Variants in SMNDC1 observed in about 807,000 individuals in gnomAD.
The protein encoded by SMNDC1 is survival motor neuron domain containing 1.
A neutral mutation model predicts 29.2 loss-of-function variants in SMNDC1; 5 were observed. That is an observed-to-expected ratio of 0.17 (90% CI 0.09 to 0.36). The LOEUF is 0.36. Ranked by LOEUF, SMNDC1 falls within the 10% of genes least tolerant of loss-of-function variation. The probability of loss-of-function intolerance (pLI) is 1.00; values close to 1 mark genes in which losing one functional copy is unlikely to be tolerated. For synonymous variants in SMNDC1, 80 were observed against 89.9 expected (o/e 0.89, Z 0.62); for missense variants, 142 against 268.5 (o/e 0.53, Z 3.29).
Position 110,303,519 on chromosome 10 carries a change from T to C in SMNDC1, c.69A>G (p.Leu23=). 1.3e-6 allele frequency: 2 copies of C among 1,585,024 alleles called. No individual in the cohort carries two copies. The highest frequency in any genetic ancestry group is 8.6e-7 in the Non-Finnish European group (1 of 1,168,854). ...AATCTTCATTTTCTCCATTTCCAGA[T>C]AATGCAGCTTCAACTTGCTGGAGCT... The part of the protein sequence containing the change: ...KAQLQQVEAA[L]SGNGENEDLL... The change falls in exon 2 of 6, where the codon TTA becomes TTG. Residue 23 remains leucine, a synonymous_variant. Transcript: ENST00000369603.
Position 110,293,954 on chromosome 10 carries a change from G to A in SMNDC1, c.*196C>T. ...TTCAACAAACTTTGAGGGAACCGTG[G>A]TACTGATAATGAGAAAAGTTAAATG... On this transcript the variant is annotated 3_prime_UTR_variant, in exon 6 of 6. Coordinates refer to ENST00000369603, the MANE Select transcript of SMNDC1 (RefSeq NM_005871.4). 2.3e-6 allele frequency: 1 copy of A among 442,088 alleles called. No homozygotes were observed. The highest frequency in any genetic ancestry group is 4.0e-6 in the Non-Finnish European group (1 of 252,678). The allele number at this position is 442,088 out of a possible 1,614,324, so 27.4% of individuals were successfully genotyped here.
chr10:110,291,714 C>T lies in SMNDC1; in HGVS notation c.*2436G>A, dbSNP rs1857501761. On this transcript the variant is annotated 3_prime_UTR_variant, in exon 6 of 6. Transcript: ENST00000369603. ...CAGGTAATAAATGGTAATAAACAAACACTAGTCTGGCTCTAGAGTCCTTGC... is the reference window on the plus strand; with the variant it reads ...CAGGTAATAAATGGTAATAAACAAATACTAGTCTGGCTCTAGAGTCCTTGC... The T allele has an allele frequency of 6.6e-6, 1 of 152,150 alleles. No individual in the cohort carries two copies. The highest frequency in any genetic ancestry group is 1.5e-5 in the Non-Finnish European group (1 of 68,028). The allele number at this position is 152,150 out of a possible 1,614,324, so 9.4% of individuals were successfully genotyped here. A position where few individuals can be genotyped will look rare whatever the true frequency, so the allele number is the denominator to read the frequency against.
At chr10:110,297,449 T>G in intron 4 of SMNDC1, 118 bp downstream of exon 4, 1 of 943,490 alleles carries the variant, frequency 1.1e-6, no homozygotes, top group Non-Finnish European at 1.6e-6. Flanking sequence ...TTGCTAATCT[T>G]CAAAACAACG....
intron 3 of SMNDC1, 56 bp downstream of exon 3, chr10:110,298,592 T>C: frequency 6.9e-7 from 1 of 1,447,438 alleles, no homozygotes; most frequent in Non-Finnish European, 9.5e-7. Flanking sequence ...AAAAACTTCT[T>C]ACCATTGTAT....
Position 110,298,671 on chromosome 10 carries a change from C to T in SMNDC1, c.240G>A (p.Met80Ile). The T allele has an allele frequency of 6.2e-7, 1 of 1,613,274 alleles. No individual in the cohort carries two copies. The highest frequency in any genetic ancestry group is 1.3e-5 in the African/African-American group (1 of 74,950). ...ACTGTCCATCTTCACTCCAGACTGC[C>T]ATACACTTGTCTCCTACTTTCCATG... ...THSWKVGDKC[M>I]AVWSEDGQCY... The change falls in exon 3 of 6, where the codon ATG (methionine) becomes ATA (isoleucine). Residue 80 changes from methionine (M) to isoleucine (I), a missense_variant. Around this residue, in one of 4 missense-constraint regions of SMNDC1, gnomAD observed 65 missense variants for 75.9 expected, o/e 0.86. Transcript: ENST00000369603.
chr10:110,294,303 C>A lies in SMNDC1; in HGVS notation c.580-16G>T. The A allele has an allele frequency of 6.4e-7, 1 of 1,561,738 alleles. No homozygotes were observed. The highest frequency in any genetic ancestry group is 8.6e-7 in the Non-Finnish European group (1 of 1,161,836). On this transcript the variant is annotated splice_polypyrimidine_tract_variant and intron_variant, in intron 5 of 5. Transcript: ENST00000369603. ...TCCTCTTTACCTAAGGGAAAGAAAA[C>A]AGAAATCATTCCTGATTAGTGTTGG...
intron 2 of SMNDC1, among the ~76,000 whole-genome samples, chr10:110,303,135 C>T (rs1402658553): frequency 6.6e-6 from 1 of 152,130 alleles, no homozygotes; most frequent in Non-Finnish European, 1.5e-5. Context: ...ATTTCATTTG[C>T]CAGGTCTTAA....
chr10:110,292,372 G>C lies in SMNDC1; in HGVS notation c.*1778C>G, dbSNP rs1259879824. 1 of 151,996 alleles carries C rather than the reference G, an allele frequency of 6.6e-6. No homozygotes were observed. Among genetic ancestry groups the C allele is most frequent in the Non-Finnish European group, 1.5e-5 (1 of 68,004 alleles). 9.4% of individuals were successfully genotyped at this position (151,996 alleles called of 1,614,324 possible). A position where few individuals can be genotyped will look rare whatever the true frequency, so the allele number is the denominator to read the frequency against. On this transcript the variant is annotated 3_prime_UTR_variant, in exon 6 of 6. Transcript: ENST00000369603. ...TAAGGCCCCCCAGGGTCAAAAGAGG[G>C]ACAAGACTGTTAACAGTCCTGCCTA...
chr10:110,294,489 T>C (rs1857539292), intron 5 of SMNDC1, among the ~76,000 whole-genome samples: 1 of 152,170 alleles, frequency 6.6e-6, no homozygotes, highest in Non-Finnish European at 1.5e-5. Flanking sequence ...TTGTGGAAAA[T>C]ATCATTACAT....
At chr10:110,299,180 T>C (rs961752844) in intron 2 of SMNDC1, among the ~76,000 whole-genome samples, 4 of 152,258 alleles carry the variant, frequency 2.6e-5, no homozygotes, top group African/African-American at 9.6e-5. Flanking sequence ...GCAACTGTAC[T>C]GTTTTATAGG....
chr10:110,300,547 C>G, intron 2 of SMNDC1: 1 of 984,916 alleles, frequency 1.0e-6, no homozygotes, highest in Non-Finnish European at 1.2e-6. Flanking sequence ...AGGTACATAC[C>G]ATTAATTACT....
intron 2 of SMNDC1, chr10:110,300,814 GACT>G (rs1228038526): frequency 6.4e-6 from 4 of 628,320 alleles, no homozygotes; most frequent in Non-Finnish European, 7.9e-6. Context: ...CTAATAAATT[GACT>G]ATCTCTGATT....
chr10:110,301,703 C>A (rs1857651889), intron 2 of SMNDC1, among the ~76,000 whole-genome samples: 1 of 152,152 alleles, frequency 6.6e-6, no homozygotes, highest in African/African-American at 2.4e-5. Context: ...ACAGAAAGTT[C>A]TACTGGACAG....
At position 110,293,778 on chromosome 10, in the gene SMNDC1, G is replaced by A. The variant is rs1029484669; in HGVS notation, c.*372C>T. 1 of 155,684 alleles carries A rather than the reference G, an allele frequency of 6.4e-6. No individual in the cohort carries two copies. Among genetic ancestry groups the A allele is most frequent in the Admixed American group, 6.5e-5 (1 of 15,412 alleles). 9.6% of individuals were successfully genotyped at this position (155,684 alleles called of 1,614,324 possible). The stretch of plus-strand genomic sequence containing the variant: ...TTTTGCCTTGGTGTTCCAATGAATT[G>A]CTAGAGTATGTGTCAAGTTCAAAGC... On this transcript the variant is annotated 3_prime_UTR_variant, in exon 6 of 6. Coordinates refer to ENST00000369603, the MANE Select transcript of SMNDC1 (RefSeq NM_005871.4).
At chr10:110,299,149 T>G (rs570646221) in intron 2 of SMNDC1, among the ~76,000 whole-genome samples, 4 of 152,370 alleles carry the variant, frequency 2.6e-5, no homozygotes, top group Non-Finnish European at 4.4e-5. Flanking sequence ...AATTAGATAC[T>G]CTTATTGTAA....
chr10:110,304,910 A>C lies in SMNDC1; in HGVS notation c.-163T>G, dbSNP rs997184135. On this transcript the variant is annotated 5_prime_UTR_variant, in exon 1 of 6. Coordinates refer to ENST00000369603, the MANE Select transcript of SMNDC1 (RefSeq NM_005871.4). ...AAGAACTCGGTCGGCGGCGAGGGGG[A>C]AGGGAGGAACGCCGGGCACTGGAAG... is the stretch of plus-strand genomic sequence containing the variant. 1 of 152,044 alleles carries C rather than the reference A, an allele frequency of 6.6e-6. No individual in the cohort carries two copies. The highest frequency in any genetic ancestry group is 1.5e-5 in the Non-Finnish European group (1 of 68,066). 9.4% of individuals were successfully genotyped at this position (152,044 alleles called of 1,614,324 possible). A position where few individuals can be genotyped will look rare whatever the true frequency, so the allele number is the denominator to read the frequency against.
chr10:110,291,824 T>G lies in SMNDC1; in HGVS notation c.*2326A>C, dbSNP rs1352613010. On this transcript the variant is annotated 3_prime_UTR_variant, in exon 6 of 6. Transcript: ENST00000369603. ...GTGATTACCACTAAAACTCAACATT[T>G]TATTTTCGGGAGGTTAGGACTGTTC... 6.6e-6 allele frequency: 1 copy of G among 152,156 alleles called. No individual in the cohort carries two copies. The highest frequency in any genetic ancestry group is 2.4e-5 in the African/African-American group (1 of 41,406). The allele number at this position is 152,156 out of a possible 1,614,324, so 9.4% of individuals were successfully genotyped here.
Position 110,297,609 on chromosome 10 carries a change from CCTT to C in SMNDC1, c.380_382del (p.Glu127del), listed in dbSNP as rs1347683774. 2 of 1,614,004 alleles carry C rather than the reference CCTT, an allele frequency of 1.2e-6. No individual in the cohort carries two copies. Among genetic ancestry groups the C allele is most frequent in the Admixed American group, 3.3e-5 (2 of 59,986 alleles). On this transcript the variant is annotated inframe_deletion, in exon 4 of 6. Transcript: ENST00000369603. ...GCCACTGTCCTCCTTTGCCTTCCTT[CCTT>C]CTTCTACAGGCTTGAGGTTCAACAG... is the stretch of plus-strand genomic sequence containing the variant.
At position 110,290,774 on chromosome 10, in the gene SMNDC1, C is replaced by T. The variant is rs935631535; in HGVS notation, c.*3376G>A. The T allele has an allele frequency of 6.6e-6, 1 of 152,088 alleles. No individual in the cohort carries two copies. Among genetic ancestry groups the T allele is most frequent in the Non-Finnish European group, 1.5e-5 (1 of 68,008 alleles). The allele number at this position is 152,088 out of a possible 1,614,324, so 9.4% of individuals were successfully genotyped here. A position where few individuals can be genotyped will look rare whatever the true frequency, so the allele number is the denominator to read the frequency against. Reference sequence around the variant, plus strand: ...TCATTGGTTTTAATAGATTTTCTTCCTTTATATTTCAGTTACTACCCAAGT... The same window carrying T: ...TCATTGGTTTTAATAGATTTTCTTCTTTTATATTTCAGTTACTACCCAAGT... On this transcript the variant is annotated 3_prime_UTR_variant, in exon 6 of 6. Transcript: ENST00000369603.
Sources: allele counts gnomAD v4.1 joint callset (sites outside exome capture counted in the v4.1 genomes callset), GRCh38; gene constraint gnomAD v4.1.1; regional missense constraint gnomAD v4.1.1; transcripts MANE v1.5; gene names NCBI Gene and HGNC (gene_info 2026-07-23, HGNC 2026-07-21).